RAPGEF4: variants seen among roughly 807,000 people sequenced by gnomAD.
The protein encoded by RAPGEF4 is RAP guanine-nucleotide-exchange factor (GEF) 4.
A neutral mutation model predicts 147.9 loss-of-function variants in RAPGEF4; 66 were observed. That is an observed-to-expected ratio of 0.45 (90% CI 0.37 to 0.55). RAPGEF4 has a LOEUF of 0.55. Ranked by LOEUF, RAPGEF4 falls within the 20% of genes least tolerant of loss-of-function variation. RAPGEF4 has a pLI of 0.00. For missense variants in RAPGEF4, 1,071 were observed against 1,257.3 expected (o/e 0.85, Z 2.24); for synonymous variants, 419 against 442.7 (o/e 0.95, Z 0.67).
intron 1 of RAPGEF4, among the ~76,000 whole-genome samples, chr2:172,794,678 A>G (rs1383589750): frequency 6.6e-6 from 1 of 151,960 alleles, no homozygotes; most frequent in East Asian, 1.9e-4. Flanking sequence ...CCCTGCAGGC[A>G]TTTGTGTTTG....
intron 29 of RAPGEF4, among the ~76,000 whole-genome samples, chr2:173,043,718 C>G (rs1019685337): frequency 7.2e-5 from 11 of 152,248 alleles, no homozygotes; most frequent in African/African-American, 2.4e-4. Flanking sequence ...AAGGGTGACG[C>G]CTGCCAAGAG....
Position 173,024,343 on chromosome 2 carries a change from A to AAGTAGCTG in RAPGEF4, c.2254-2228_2254-2221dup, listed in dbSNP as rs1282331702. Reference sequence around the variant, plus strand: ...CGCCATTCTCCTGCCTCAGCCTCCCAAGTAGCTGGGACTACAGGCGCCCGC... The same window carrying AAGTAGCTG: ...CGCCATTCTCCTGCCTCAGCCTCCCAAGTAGCTGAGTAGCTGGGACTACAGGCGCCCGC... On this transcript the variant is annotated intron_variant, in intron 23 of 30. Coordinates refer to ENST00000397081, the MANE Select transcript of RAPGEF4 (RefSeq NM_007023.4). 4.3e-4 allele frequency among the ~76,000 whole-genome samples: 63 copies of AAGTAGCTG among 146,982 alleles called. 3 individuals are homozygous for AAGTAGCTG. The highest frequency in any genetic ancestry group is 1.4e-3 in the South Asian group (6 of 4,440).
chr2:172,742,380 G>GT (rs1574657657), intron 1 of RAPGEF4, among the ~76,000 whole-genome samples: 1 of 151,666 alleles, frequency 6.6e-6, no homozygotes, highest in African/African-American at 2.4e-5. Flanking sequence ...GGTTGTTGTT[G>GT]TTTTTTTCAG....
At chr2:172,970,390 A>G (rs888288715) in intron 10 of RAPGEF4, among the ~76,000 whole-genome samples, 14 of 152,164 alleles carry the variant, frequency 9.2e-5, no homozygotes, top group African/African-American at 3.4e-4. Context: ...AGTCATTAAG[A>G]AATGTGGAGG....
intron 4 of RAPGEF4, among the ~76,000 whole-genome samples, chr2:172,861,739 T>C (rs901804024): frequency 3.3e-5 from 5 of 152,240 alleles, no homozygotes; most frequent in African/African-American, 1.2e-4. Context: ...TCTGAAATAA[T>C]GGCTGTTGCC....
intron 4 of RAPGEF4, chr2:172,893,775 T>A (rs979805616): frequency 6.6e-6 from 1 of 152,208 alleles, no homozygotes; most frequent in Non-Finnish European, 1.5e-5. Context: ...GAAACTCGAT[T>A]CATTGAGCCA....
At chr2:172,929,363 T>C (rs1166368864) in intron 6 of RAPGEF4, among the ~76,000 whole-genome samples, 2 of 152,184 alleles carry the variant, frequency 1.3e-5, no homozygotes, top group African/African-American at 2.4e-5. Flanking sequence ...TGACATTACA[T>C]TGAAGACAGA....
At chr2:172,876,377 A>T (rs7598685) in intron 4 of RAPGEF4, among the ~76,000 whole-genome samples, 1 of 152,156 alleles carries the variant, frequency 6.6e-6, no homozygotes, top group Non-Finnish European at 1.5e-5. Flanking sequence ...ATGATATTGG[A>T]TGTGGGTTTG....
rs889386562 is a variant in RAPGEF4 at position 172,923,488 on chromosome 2, G to A, written c.537+1188G>A. Among the ~76,000 whole-genome samples the A allele has an allele frequency of 1.3e-4, 20 of 152,104 alleles. No homozygotes were observed. In the East Asian group the frequency reaches 1.7e-3, roughly 13 times the overall value. ...TTACCATGTTGGCCAGGCTGGTCTCGAACTCCTGACCTCAAGTGATCCATC... is the reference window on the plus strand; with the variant it reads ...TTACCATGTTGGCCAGGCTGGTCTCAAACTCCTGACCTCAAGTGATCCATC... On this transcript the variant is annotated intron_variant, in intron 6 of 30. Transcript: ENST00000397081.
intron 1 of RAPGEF4, among the ~76,000 whole-genome samples, chr2:172,778,996 A>G (rs1322915719): frequency 2.6e-5 from 4 of 152,342 alleles, no homozygotes; most frequent in African/African-American, 9.6e-5. Context: ...AATTTTCTTA[A>G]CAAAAAAGTA....
intron 10 of RAPGEF4, among the ~76,000 whole-genome samples, chr2:172,983,063 G>T (rs1012365930): frequency 1.3e-5 from 2 of 152,188 alleles, no homozygotes; most frequent in Admixed American, 6.5e-5. Flanking sequence ...GCTAGGCTAA[G>T]ATAGTACACA....
At chr2:172,961,050 G>A in intron 7 of RAPGEF4, 72 bp from the exon 8 acceptor site, 1 of 1,191,468 alleles carries the variant, frequency 8.4e-7, no homozygotes, top group Admixed American at 1.8e-5. Context: ...GTGGTTTCAG[G>A]ATTTGTTTGG....
chr2:173,014,588 G>T lies in RAPGEF4; in HGVS notation c.1783G>T (p.Asp595Tyr), dbSNP rs755439264. 1 of 1,613,988 alleles carries T rather than the reference G, an allele frequency of 6.2e-7. No individual in the cohort carries two copies. The highest frequency in any genetic ancestry group is 1.7e-5 in the Admixed American group (1 of 60,004). Residue 595 changes from aspartate to tyrosine, a missense_variant, in exon 18 of 31, where the codon GAT becomes TAT. Coordinates refer to ENST00000397081, the MANE Select transcript of RAPGEF4 (RefSeq NM_007023.4). ...CATGTATGGAGACCTCCTGCAAGAG[G>T]ATGACGTGTCTATGGCCTTCCTGGA... ...AAMYGDLLQE[D>Y]DVSMAFLEEF...
intron 1 of RAPGEF4, among the ~76,000 whole-genome samples, chr2:172,759,073 T>C (rs1223503383): frequency 1.3e-5 from 2 of 152,184 alleles, no homozygotes; most frequent in East Asian, 3.8e-4. Flanking sequence ...TTTCAAATAT[T>C]CAGACAGATT....
intron 26 of RAPGEF4, among the ~76,000 whole-genome samples, chr2:173,033,335 CTT>C (rs1697373342): frequency 6.6e-6 from 1 of 152,100 alleles, no homozygotes; most frequent in Non-Finnish European, 1.5e-5. Context: ...AACTGTGAGA[CTT>C]AATTTTTTCC....
chr2:172,768,162 C>T (rs1559031650), intron 1 of RAPGEF4, among the ~76,000 whole-genome samples: 1 of 152,092 alleles, frequency 6.6e-6, no homozygotes, highest in Non-Finnish European at 1.5e-5. Context: ...AAAATGTATA[C>T]ACTGCTTGTG....
chr2:172,979,285 A>G (rs1231091031), intron 10 of RAPGEF4, among the ~76,000 whole-genome samples: 1 of 152,188 alleles, frequency 6.6e-6, no homozygotes, highest in African/African-American at 2.4e-5. Flanking sequence ...GACGCAAAAG[A>G]ACTGCTCCAT....
At chr2:172,890,407 C>T in intron 4 of RAPGEF4, among the ~76,000 whole-genome samples, 1 of 152,168 alleles carries the variant, frequency 6.6e-6, no homozygotes, top group East Asian at 1.9e-4. Context: ...AAAGAGTTTT[C>T]TTCGCAAGGA....
At chr2:173,011,168 G>GCACACA (rs72255787) in intron 17 of RAPGEF4, among the ~76,000 whole-genome samples, 3 of 59,816 alleles carry the variant, frequency 5.0e-5, no homozygotes, top group African/African-American at 2.1e-4. Flanking sequence ...CAGCGCGCGC[G>GCACACA]CGCACACACA....
Sources: allele counts gnomAD v4.1 joint callset (sites outside exome capture counted in the v4.1 genomes callset), GRCh38; gene constraint gnomAD v4.1.1; transcripts MANE v1.5; gene names NCBI Gene and HGNC (gene_info 2026-07-23, HGNC 2026-07-21).